Variants in TENM4 observed in about 807,000 individuals in gnomAD.
The protein encoded by TENM4 is teneurin-4.
A neutral mutation model predicts 243.3 loss-of-function variants in TENM4; 82 were observed. That is an observed-to-expected ratio of 0.34 (90% CI 0.28 to 0.40). The LOEUF is 0.40. TENM4 is among the 10% of genes least tolerant of loss of function. TENM4 has a pLI of 1.00. For missense variants in TENM4, 3,138 were observed against 3,673.3 expected, an observed-to-expected ratio of 0.85 and a Z score of 3.77; for synonymous variants, 1,412 against 1,456.3, an observed-to-expected ratio of 0.97 and a Z score of 0.69.
intron 32 of TENM4, 49 bp downstream of exon 32, chr11:78,668,888 G>A (rs748453900): frequency 6.5e-7 from 1 of 1,530,882 alleles, no homozygotes; most frequent in Admixed American, 1.9e-5. Context: ...TTGTTAGGTA[G>A]TAAGAGCACT....
chr11:79,320,628 T>C (rs1856873067), intron 1 of TENM4, among the ~76,000 whole-genome samples: 2 of 152,176 alleles, frequency 1.3e-5, no homozygotes, highest in African/African-American at 4.8e-5. Flanking sequence ...CATGTTTGCT[T>C]ATATCCAGAA....
intron 12 of TENM4, among the ~76,000 whole-genome samples, chr11:78,848,153 T>C (rs1480200659): frequency 7.2e-6 from 1 of 139,502 alleles, no homozygotes; most frequent in Non-Finnish European, 1.6e-5. Flanking sequence ...CCCTCCCTCC[T>C]TTTTTTTTTT....
intron 2 of TENM4, among the ~76,000 whole-genome samples, chr11:79,266,696 G>A (rs1290244361): frequency 6.6e-6 from 1 of 152,200 alleles, no homozygotes; most frequent in Non-Finnish European, 1.5e-5. Flanking sequence ...GATAGAGACA[G>A]AGGCAGCTCT....
intron 5 of TENM4, among the ~76,000 whole-genome samples, chr11:79,065,223 C>T (rs533299898): frequency 6.6e-6 from 1 of 152,188 alleles, no homozygotes; most frequent in African/African-American, 2.4e-5. Context: ...TCCCTTAAGC[C>T]TCAACTCAAA....
chr11:78,714,790 C>A (rs760304133), intron 25 of TENM4, among the ~76,000 whole-genome samples: 7 of 152,138 alleles, frequency 4.6e-5, no homozygotes, highest in Non-Finnish European at 1.0e-4. Context: ...CCCGCCCCTC[C>A]CTTTCCTACT....
intron 2 of TENM4, among the ~76,000 whole-genome samples, chr11:79,257,652 G>T (rs1277490478): frequency 6.6e-6 from 1 of 152,198 alleles, no homozygotes; most frequent in African/African-American, 2.4e-5. Context: ...CAAACCATCT[G>T]CCAGGGAGGT....
chr11:79,015,477 A>AGT (rs113872101), intron 6 of TENM4, among the ~76,000 whole-genome samples: 7,499 of 147,190 alleles, frequency 0.051, 207 homozygotes, highest in Middle Eastern at 0.07. Context: ...AAAGTCATTT[A>AGT]GTGTGTGTGT....
intron 2 of TENM4, among the ~76,000 whole-genome samples, chr11:79,275,729 T>C (rs931601841): frequency 1.3e-5 from 2 of 152,218 alleles, no homozygotes; most frequent in African/African-American, 2.4e-5. Flanking sequence ...TCCCAAGTCT[T>C]GTTGGGTTAA....
At chr11:79,070,468 A>T (rs1220535752) in intron 4 of TENM4, among the ~76,000 whole-genome samples, 2 of 152,186 alleles carry the variant, frequency 1.3e-5, no homozygotes, top group Admixed American at 1.3e-4. Context: ...GTAAATCTTG[A>T]TATCTTCTGA....
chr11:78,736,458 G>A (rs893738705), intron 20 of TENM4, among the ~76,000 whole-genome samples: 3 of 141,424 alleles, frequency 2.1e-5, no homozygotes, highest in African/African-American at 9.4e-5. Context: ...GTGTGTGTGT[G>A]TGTGTGTGTG....
chr11:79,064,471 A>C, intron 6 of TENM4: 1 of 465,004 alleles, frequency 2.2e-6, no homozygotes, highest in Non-Finnish European at 3.9e-6. Flanking sequence ...GCTCCCCTGC[A>C]CACAGGCACC....
intron 7 of TENM4, among the ~76,000 whole-genome samples, chr11:78,897,010 A>G (rs892428572): frequency 2.6e-5 from 4 of 152,176 alleles, no homozygotes; most frequent in Admixed American, 1.3e-4. Flanking sequence ...GAGAGTTGCC[A>G]CCATTAACTG....
intron 6 of TENM4, among the ~76,000 whole-genome samples, chr11:79,017,028 T>C (rs979554275): frequency 3.9e-5 from 6 of 152,222 alleles, no homozygotes; most frequent in Non-Finnish European, 7.3e-5. Flanking sequence ...TATAGATACA[T>C]AGCATGGTTC....
chr11:78,994,485 C>T lies in TENM4; in HGVS notation c.493+70253G>A, dbSNP rs559997901. On this transcript the variant is annotated intron_variant, in intron 6 of 33. Transcript: ENST00000278550. Reference sequence around the variant, plus strand: ...TACTACTTGGGAGTTTTATAAAGTTCCTCTAAGCTGAAAGCTGGAACGACC... The same window carrying T: ...TACTACTTGGGAGTTTTATAAAGTTTCTCTAAGCTGAAAGCTGGAACGACC... 2.6e-5 allele frequency among the ~76,000 whole-genome samples: 4 copies of T among 152,296 alleles called. No individual in the cohort carries two copies. In the South Asian group the frequency reaches 8.3e-4, roughly 32 times the overall value.
In TENM4 at chr11:79,370,716, TTAAATAACTTCTTAAAACTCC is replaced by T. The variant is rs570533764; in HGVS notation, c.-321+69772_-321+69792del. On this transcript the variant is annotated intron_variant, in intron 1 of 33. Transcript: ENST00000278550. ...ATCTTTGTGACCTGGAGGTCACTTC[TTAAATAACTTCTTAAAACTCC>T]TAAATAACTTCTTAAAACTCCTAAA... Among the ~76,000 whole-genome samples the T allele has an allele frequency of 1.7e-4, 24 of 139,840 alleles. No homozygotes were observed. The South Asian group carries it at 3.8e-3, about 22-fold the overall frequency. The allele number at this position is 139,840 out of a possible 152,430, so 91.7% of individuals were successfully genotyped here. A position where few individuals can be genotyped will look rare whatever the true frequency, so the allele number is the denominator to read the frequency against.
chr11:78,987,451 T>A lies in TENM4; in HGVS notation c.493+77287A>T, dbSNP rs115079427. Among the ~76,000 whole-genome samples, 452 of 152,346 alleles carry A rather than the reference T, an allele frequency of 3.0e-3. 2 individuals carry two copies. Among genetic ancestry groups the A allele is most frequent in the African/African-American group, 9.4e-3 (390 of 41,586 alleles). Reference sequence around the variant, plus strand: ...TTTCTATACAACTTAATTTGAAAACTAAGCAATACTTACAGAAGTGAGAAT... The same window carrying A: ...TTTCTATACAACTTAATTTGAAAACAAAGCAATACTTACAGAAGTGAGAAT... On this transcript the variant is annotated intron_variant, in intron 6 of 33. Transcript: ENST00000278550.
chr11:79,281,307 G>A (rs898849366), intron 2 of TENM4, among the ~76,000 whole-genome samples: 4 of 152,162 alleles, frequency 2.6e-5, no homozygotes, highest in Non-Finnish European at 4.4e-5. Context: ...TCACTGATTT[G>A]TCTACGGTCA....
At chr11:78,732,046 A>G (rs1855679551) in intron 21 of TENM4, among the ~76,000 whole-genome samples, 1 of 152,192 alleles carries the variant, frequency 6.6e-6, no homozygotes, top group Non-Finnish European at 1.5e-5. Flanking sequence ...TAACCAGGAG[A>G]GTGGAAAGAC....
At chr11:79,274,773 A>G (rs1856025111) in intron 2 of TENM4, among the ~76,000 whole-genome samples, 2 of 152,294 alleles carry the variant, frequency 1.3e-5, no homozygotes, top group East Asian at 3.9e-4. Context: ...GGTTTGGTTC[A>G]CCAAGAAAGC....
Sources: gnomAD v4.1 joint callset for allele counts (sites outside exome capture counted in the v4.1 genomes callset) on GRCh38, gnomAD v4.1.1 for gene constraint, MANE v1.5 for transcripts, NCBI Gene and HGNC (gene_info 2026-07-23, HGNC 2026-07-21) for gene names.